TAF4: variants seen among roughly 807,000 people sequenced by gnomAD.
TAF4 encodes the protein transcription initiation factor TFIID subunit 4.
Under a neutral mutation model 90.3 loss-of-function variants are expected in TAF4, and 9 were observed. The ratio of observed to expected loss-of-function variants is 0.10; its 90% confidence interval spans 0.06 to 0.17. The LOEUF (loss-of-function observed/expected upper bound fraction) is 0.17. Ranked by LOEUF, TAF4 falls within the 10% of genes least tolerant of loss-of-function variation. The pLI, the probability that TAF4 is intolerant of heterozygous loss-of-function variation, is 1.00. For missense variants in TAF4, 1,351 were observed against 1,370.7 expected, an observed-to-expected ratio of 0.99 and a Z score of 0.23; for synonymous variants, 818 against 638.9, an observed-to-expected ratio of 1.28 and a Z score of -4.23.
At chr20:62,035,647 G>A (rs978096862) in intron 1 of TAF4, among the ~76,000 whole-genome samples, 1 of 152,194 alleles carries the variant, frequency 6.6e-6, no homozygotes, top group Non-Finnish European at 1.5e-5. Flanking sequence ...CTTCGGGTTA[G>A]AAAGGACTTC....
chr20:62,046,933 G>A (rs140176056), intron 1 of TAF4, among the ~76,000 whole-genome samples: 41 of 152,042 alleles, frequency 2.7e-4, no homozygotes, highest in Non-Finnish European at 4.1e-4. Context: ...TTATTTAGTC[G>A]TGAGAGTTCT....
chr20:61,994,785 G>C (rs980197021), intron 14 of TAF4, among the ~76,000 whole-genome samples: 2 of 152,214 alleles, frequency 1.3e-5, no homozygotes, highest in African/African-American at 2.4e-5. Context: ...CAGCCAATGT[G>C]CATCAGACAG....
At position 62,065,345 on chromosome 20, in the gene TAF4, C is replaced by G; in HGVS notation, c.466G>C (p.Gly156Arg). ...GCGGGGCCGGCGGGCTTGGCGGGGCCGGCGGGGGCGGGCTCGGGCCCCGCG... is the reference window on the plus strand; with the variant it reads ...GCGGGGCCGGCGGGCTTGGCGGGGCGGGCGGGGGCGGGCTCGGGCCCCGCG... ...VAAGPEPAPA[G>R]PAKPAGPAAL... Residue 156 changes from glycine (G) to arginine (R), a missense_variant, in exon 1 of 15, where the codon GGC (glycine) becomes CGC (arginine). Transcript: ENST00000252996. 2.1e-6 allele frequency: 2 copies of G among 954,760 alleles called. No individual in the cohort carries two copies. Among genetic ancestry groups the G allele is most frequent in the African/African-American group, 1.9e-5 (1 of 51,896 alleles). 59.1% of individuals were successfully genotyped at this position (954,760 alleles called of 1,614,324 possible).
intron 1 of TAF4, among the ~76,000 whole-genome samples, chr20:62,034,827 C>CTTTTCTTTTTTTTT (rs555793597): frequency 4.2e-5 from 6 of 141,872 alleles, no homozygotes; most frequent in East Asian, 2.3e-4. Flanking sequence ...TCATAGATTT[C>CTTTTCTTTTTTTTT]TTTTTTTTTT....
chr20:62,020,104 T>C (rs2055834260), intron 1 of TAF4, among the ~76,000 whole-genome samples: 1 of 152,156 alleles, frequency 6.6e-6, no homozygotes, highest in Non-Finnish European at 1.5e-5. Flanking sequence ...CAGGGGTCCA[T>C]GTTCACCTCT....
At chr20:62,043,753 C>G (rs1403372003) in intron 1 of TAF4, among the ~76,000 whole-genome samples, 4 of 152,252 alleles carry the variant, frequency 2.6e-5, no homozygotes, top group Admixed American at 6.5e-5. Flanking sequence ...CCGCACCACA[C>G]AGCCTAAGAG....
At chr20:62,013,776 G>A (rs1446821412) in intron 2 of TAF4, among the ~76,000 whole-genome samples, 3 of 152,260 alleles carry the variant, frequency 2.0e-5, no homozygotes, top group Non-Finnish European at 4.4e-5. Context: ...ACGTGCAGGT[G>A]ACAGTCATGG....
In TAF4 at chr20:62,064,670, C is replaced by T. The variant is rs1443417592; in HGVS notation, c.1141G>A (p.Gly381Arg). ...ASMVIGPTMQ[G>R]ALPSPAAVPP... ...ACGGCGGCCGGGCTGGGCAGCGCCC[C>T]TTGCATAGTTGGCCCGATGACCATG... Residue 381 changes from glycine (G) to arginine (R), a missense_variant, in exon 1 of 15, where the codon GGG (glycine) becomes AGG (arginine). Gly to Arg is a moderately radical substitution (Grantham distance 125). Coordinates refer to ENST00000252996, the MANE Select transcript of TAF4 (RefSeq NM_003185.4). The T allele has an allele frequency of 1.6e-6, 2 of 1,284,898 alleles. No individual in the cohort carries two copies. Among genetic ancestry groups the T allele is most frequent in the Non-Finnish European group, 2.0e-6 (2 of 1,021,928 alleles). The allele number at this position is 1,284,898 out of a possible 1,614,324, so 79.6% of individuals were successfully genotyped here. A position where few individuals can be genotyped will look rare whatever the true frequency, so the allele number is the denominator to read the frequency against.
At chr20:62,061,076 G>A (rs529983427) in intron 1 of TAF4, among the ~76,000 whole-genome samples, 32 of 152,286 alleles carry the variant, frequency 2.1e-4, no homozygotes, top group Admixed American at 3.3e-4. Flanking sequence ...CAGGTCAAAC[G>A]GCAACAGGGC....
At position 62,029,889 on chromosome 20, in the gene TAF4, G is replaced by A. The variant is rs377637501; in HGVS notation, c.1361-15182C>T. Among the ~76,000 whole-genome samples the A allele has an allele frequency of 5.9e-5, 9 of 152,202 alleles. 1 individual carries two copies. Among genetic ancestry groups the A allele is most frequent in the East Asian group, 1.9e-4 (1 of 5,164 alleles). Reference sequence around the variant, plus strand: ...CCACTGCACTCCAGCCTGGTGACACGGCAAGACTCCGTCTCAAAAAAAACA... The same window carrying A: ...CCACTGCACTCCAGCCTGGTGACACAGCAAGACTCCGTCTCAAAAAAAACA... On this transcript the variant is annotated intron_variant, in intron 1 of 14. Transcript: ENST00000252996.
intron 1 of TAF4, among the ~76,000 whole-genome samples, chr20:62,052,931 C>T (rs568670419): frequency 5.3e-5 from 8 of 151,342 alleles, no homozygotes; most frequent in East Asian, 2.0e-4. Context: ...CCCCACAAAA[C>T]GCCATTTCCT....
intron 1 of TAF4, among the ~76,000 whole-genome samples, chr20:62,040,132 G>A (rs549050383): frequency 5.3e-5 from 8 of 152,262 alleles, no homozygotes; most frequent in African/African-American, 1.4e-4. Context: ...ATCTACCCAA[G>A]ACAAAGAAAA....
Position 62,065,472 on chromosome 20 carries a change from G to A in TAF4, c.339C>T (p.Pro113=), listed in dbSNP as rs2056125233. 1.0e-6 allele frequency: 1 copy of A among 975,448 alleles called. No individual in the cohort carries two copies. The highest frequency in any genetic ancestry group is 4.6e-5 in the South Asian group (1 of 21,910). The allele number at this position is 975,448 out of a possible 1,614,324, so 60.4% of individuals were successfully genotyped here. A position where few individuals can be genotyped will look rare whatever the true frequency, so the allele number is the denominator to read the frequency against. ...GCGGCGCGGGCCCTGCGGGGACAAG[G>A]GGGCGGCGCGGTGAGGGGGGGCCCG... is the stretch of plus-strand genomic sequence containing the variant. ...QRPGPPSPRR[P]LVPAGPAPPA... Residue 113 remains proline (P), a synonymous_variant, in exon 1 of 15, where the codon CCC becomes CCT. Transcript: ENST00000252996.
At chr20:62,062,251 G>A (rs750613431) in intron 1 of TAF4, among the ~76,000 whole-genome samples, 4 of 152,126 alleles carry the variant, frequency 2.6e-5, no homozygotes, top group East Asian at 1.9e-4. Flanking sequence ...CAATGAAAAC[G>A]GAACCAACTA....
intron 3 of TAF4, 148 bp downstream of exon 3, chr20:62,012,667 C>T (rs2055785923): frequency 8.5e-7 from 1 of 1,173,582 alleles, no homozygotes; most frequent in African/African-American, 1.6e-5. Flanking sequence ...AGAAAAAGCA[C>T]TTTCTTCACA....
chr20:62,012,955 C>T (rs767756530), intron 2 of TAF4, 21 bp from the exon 3 acceptor site: 2 of 1,610,984 alleles, frequency 1.2e-6, no homozygotes, highest in African/African-American at 1.3e-5. Context: ...AGCAGAGTCA[C>T]CTAAAACGAG....
chr20:61,976,350 G>T lies in TAF4; in HGVS notation c.3091-15C>A, dbSNP rs751889689. ...GGGCCCGACCCCTGGTGATGAAAAA[G>T]GAGAAGACAGTGTGTTAGTGGGGCT... On this transcript the variant is annotated splice_polypyrimidine_tract_variant and intron_variant, in intron 14 of 14. Transcript: ENST00000252996. The T allele has an allele frequency of 1.9e-6, 3 of 1,612,316 alleles. No homozygotes were observed. The highest frequency in any genetic ancestry group is 2.5e-6 in the Non-Finnish European group (3 of 1,179,848).
chr20:62,003,442 C>G (rs1266372560), intron 8 of TAF4, among the ~76,000 whole-genome samples, 168 bp from the exon 9 acceptor site: 1 of 152,194 alleles, frequency 6.6e-6, no homozygotes, highest in African/African-American at 2.4e-5. Flanking sequence ...AAAGTGTAAG[C>G]TGTACCTCTC....
chr20:62,021,877 G>A (rs988029275), intron 1 of TAF4, among the ~76,000 whole-genome samples: 2 of 152,120 alleles, frequency 1.3e-5, no homozygotes, highest in African/African-American at 4.8e-5. Flanking sequence ...CACCTCAGAC[G>A]GCGACAGAGA....
Sources: gnomAD v4.1 joint callset for allele counts (sites outside exome capture counted in the v4.1 genomes callset) on GRCh38, gnomAD v4.1.1 for gene constraint, MANE v1.5 for transcripts, NCBI Gene and HGNC (gene_info 2026-07-23, HGNC 2026-07-21) for gene names.